MTA3: variants seen among roughly 807,000 people sequenced by gnomAD.
The protein encoded by MTA3 is metastasis associated 1 family member 3, also known as metastasis-associated protein MTA3.
In MTA3, 34 loss-of-function variants were observed where a neutral mutation model predicts 83.5. That is an observed-to-expected ratio of 0.41 (90% confidence interval 0.31 to 0.54). The LOEUF (loss-of-function observed/expected upper bound fraction) is 0.54. Ranked by LOEUF, MTA3 falls within the 20% of genes least tolerant of loss-of-function variation. The pLI, the probability that MTA3 is intolerant of heterozygous loss-of-function variation, is 0.33. For synonymous variants in MTA3, 303 were observed against 252.7 expected (o/e 1.20, Z -1.89); for missense variants, 761 against 726.4 (o/e 1.05, Z -0.55).
intron 4 of MTA3, among the ~76,000 whole-genome samples, chr2:42,620,005 A>G (rs1685353986): frequency 6.6e-6 from 1 of 152,180 alleles, no homozygotes; most frequent in Admixed American, 6.5e-5. Flanking sequence ...CTTCTTTATA[A>G]TTGAGGTGAA....
At position 42,701,312 on chromosome 2, in the gene MTA3, A is replaced by AG. The variant is rs1693843105; in HGVS notation, c.1026-2882_1026-2881insG. 4.1e-5 allele frequency among the ~76,000 whole-genome samples: 6 copies of AG among 146,680 alleles called. No homozygotes were observed. The South Asian group carries it at 1.3e-3, about 32-fold the overall frequency. On this transcript the variant is annotated intron_variant, in intron 11 of 16. Coordinates refer to ENST00000405094, the MANE Select transcript of MTA3 (RefSeq NM_001330442.2). ...GCCTCAAAAAAAAAAAAAAAAAAAA[A>AG]TTAAAGGCCAGGCATGGTGGCTCAC...
intron 11 of MTA3, among the ~76,000 whole-genome samples, chr2:42,701,388 A>T (rs1457024758): frequency 7.0e-6 from 1 of 142,548 alleles, no homozygotes; most frequent in African/African-American, 2.7e-5. Flanking sequence ...GGAACTCAAG[A>T]CCAGCCTGGG....
At chr2:42,503,028 G>A (rs1674470526) in intron 2 of MTA3, among the ~76,000 whole-genome samples, 1 of 151,948 alleles carries the variant, frequency 6.6e-6, no homozygotes, top group African/African-American at 2.4e-5. Flanking sequence ...GACCCCAAGA[G>A]AGGGTTATTG....
intron 4 of MTA3, among the ~76,000 whole-genome samples, chr2:42,639,159 C>G (rs1191212783): frequency 6.6e-6 from 1 of 151,146 alleles, no homozygotes; most frequent in Non-Finnish European, 1.5e-5. Flanking sequence ...CTCTGGGGTT[C>G]AAGCGATTCT....
chr2:42,496,833 T>C (rs1198089792), intron 2 of MTA3, among the ~76,000 whole-genome samples: 2 of 152,184 alleles, frequency 1.3e-5, no homozygotes, highest in African/African-American at 4.8e-5. Context: ...AGTTCTTTCC[T>C]ATCTCTATGA....
intron 3 of MTA3, among the ~76,000 whole-genome samples, chr2:42,589,733 A>C (rs1680746057): frequency 6.6e-6 from 1 of 152,108 alleles, no homozygotes; most frequent in African/African-American, 2.4e-5. Flanking sequence ...TTGTATTTTC[A>C]GTAGAGACAA....
intron 14 of MTA3, 57 bp from the exon 15 acceptor site, chr2:42,718,931 A>C (rs1015882011): frequency 7.9e-7 from 1 of 1,260,816 alleles, no homozygotes; most frequent in Admixed American, 2.0e-5. Flanking sequence ...TGGTGCATGT[A>C]GTCTGGCTAG....
chr2:42,540,880 A>G (rs796586632), intron 2 of MTA3, among the ~76,000 whole-genome samples: 6 of 152,092 alleles, frequency 3.9e-5, no homozygotes, highest in African/African-American at 1.4e-4. Flanking sequence ...CAAATTGATA[A>G]TTTGCCTTTT....
intron 1 of MTA3, chr2:42,495,118 A>G (rs1184505745): frequency 6.5e-6 from 1 of 152,678 alleles, no homozygotes; most frequent in Non-Finnish European, 1.5e-5. Flanking sequence ...TGGCTGGTTA[A>G]AGGGAAGAGT....
At chr2:42,594,264 TTAA>T (rs1558472124) in intron 3 of MTA3, among the ~76,000 whole-genome samples, 1 of 38,962 alleles carries the variant, frequency 2.6e-5, no homozygotes. Context: ...TTTTTTTTTT[TTAA>T]AAGACAGTCC....
intron 8 of MTA3, among the ~76,000 whole-genome samples, chr2:42,668,446 G>A (rs1201434752): frequency 6.6e-6 from 1 of 152,148 alleles, no homozygotes; most frequent in Non-Finnish European, 1.5e-5. Context: ...TTCCAGCCTC[G>A]GAAAAAGGCT....
At chr2:42,541,680 A>T (rs1402635030) in intron 2 of MTA3, among the ~76,000 whole-genome samples, 1 of 152,182 alleles carries the variant, frequency 6.6e-6, no homozygotes, top group Non-Finnish European at 1.5e-5. Flanking sequence ...GTTGAGGGGC[A>T]TCTGTAGAGT....
At chr2:42,711,154 G>C (rs1002547852) in intron 14 of MTA3, among the ~76,000 whole-genome samples, 10 of 152,120 alleles carry the variant, frequency 6.6e-5, no homozygotes, top group Non-Finnish European at 8.8e-5. Context: ...ATTAAGATTG[G>C]TGGGGATCCA....
At chr2:42,608,142 T>TA (rs1476496248) in intron 3 of MTA3, among the ~76,000 whole-genome samples, 1 of 152,258 alleles carries the variant, frequency 6.6e-6, no homozygotes. Context: ...GATTTACTGT[T>TA]GCTGTTGTAG....
chr2:42,628,757 CAA>C (rs1013233245), intron 4 of MTA3, among the ~76,000 whole-genome samples: 27 of 137,212 alleles, frequency 2.0e-4, no homozygotes, highest in African/African-American at 6.3e-4. Context: ...TGAGTATTGA[CAA>C]AACATTTCCA....
rs149312219 is a variant in MTA3, at chr2:42,658,213, ACT to A, written c.603-1546_603-1545del. Among the ~76,000 whole-genome samples the A allele has an allele frequency of 4.2e-4, 64 of 152,020 alleles. No homozygotes were observed. In the East Asian group the frequency reaches 0.011, roughly 27 times the overall value. On this transcript the variant is annotated intron_variant, in intron 7 of 16. Coordinates refer to ENST00000405094, the MANE Select transcript of MTA3 (RefSeq NM_001330442.2). ...GCATTGATCAAGATTTAGAACCAAT[ACT>A]CTCATATCCTGCTGGTGAGTGTGTA...
At position 42,722,896 on chromosome 2, in the gene MTA3, T is replaced by C. The variant is rs1437776043; in HGVS notation, c.1620T>C (p.His540=). The change falls in exon 16 of 17, where the codon CAT becomes CAC. Residue 540 remains histidine, a synonymous_variant. Coordinates refer to ENST00000405094, the MANE Select transcript of MTA3 (RefSeq NM_001330442.2). The part of the protein sequence containing the change: ...LACIIGYLEI[H]PAKKPNVIRS... ...CCTTTTTTCCCCCATCAGAGATCCA[T>C]CCTGCAAAGAAACCTAATGTAATTC... The C allele has an allele frequency of 1.3e-6, 2 of 1,551,150 alleles. No homozygotes were observed. Among genetic ancestry groups the C allele is most frequent in the African/African-American group, 1.4e-5 (1 of 73,162 alleles).
At chr2:42,685,449 G>T (rs1692286050) in intron 9 of MTA3, among the ~76,000 whole-genome samples, 1 of 152,178 alleles carries the variant, frequency 6.6e-6, no homozygotes. Context: ...CGTCCCTGCT[G>T]TGATTAGAAA....
At chr2:42,555,935 G>A (rs1677366261) in intron 2 of MTA3, among the ~76,000 whole-genome samples, 1 of 151,942 alleles carries the variant, frequency 6.6e-6, no homozygotes, top group Admixed American at 6.6e-5. Flanking sequence ...AGCCAGACAT[G>A]GTGGTGGGCG....
Sources: gnomAD v4.1 joint callset for allele counts (sites outside exome capture counted in the v4.1 genomes callset) on GRCh38, gnomAD v4.1.1 for gene constraint, MANE v1.5 for transcripts, NCBI Gene and HGNC (gene_info 2026-07-23, HGNC 2026-07-21) for gene names.